NRXN3: variants seen among roughly 807,000 people sequenced by gnomAD.
NRXN3 encodes neurexin III.
NRXN3 carries 32 observed loss-of-function variants against 137.6 expected under a neutral mutation model. The ratio of observed to expected loss-of-function variants is 0.23; its 90% CI spans 0.18 to 0.31. The LOEUF is 0.31. NRXN3 is among the 10% of genes least tolerant of loss of function. NRXN3 has a pLI of 1.00. For missense variants in NRXN3, 1,574 were observed against 2,062.5 expected (o/e 0.76, Z 4.59); for synonymous variants, 798 against 784.5 (o/e 1.02, Z -0.29).
intron 16 of NRXN3, among the ~76,000 whole-genome samples, chr14:79,517,721 C>T (rs946441917): frequency 6.6e-6 from 1 of 151,914 alleles, no homozygotes; most frequent in Non-Finnish European, 1.5e-5. Context: ...TATAAGTCAT[C>T]ATTTCCCATT....
intron 4 of NRXN3, among the ~76,000 whole-genome samples, chr14:78,404,240 G>A (rs2092330871): frequency 6.6e-6 from 1 of 150,630 alleles, no homozygotes; most frequent in Non-Finnish European, 1.5e-5. Flanking sequence ...CGCTGCATGG[G>A]AGCAGGCAGA....
At chr14:78,293,684 A>G (rs1002532561) in intron 3 of NRXN3, among the ~76,000 whole-genome samples, 5 of 152,136 alleles carry the variant, frequency 3.3e-5, no homozygotes, top group Non-Finnish European at 5.9e-5. Context: ...ATCTTCTTCA[A>G]TAACATCTTC....
chr14:79,442,449 A>C (rs7142987), intron 15 of NRXN3, among the ~76,000 whole-genome samples: 50,695 of 152,100 alleles, frequency 0.33, 8,659 homozygotes, highest in South Asian at 0.47. Flanking sequence ...AAATTTATCA[A>C]CTGGTTATTT....
At chr14:78,550,357 C>T (rs1487719547) in intron 4 of NRXN3, among the ~76,000 whole-genome samples, 1 of 152,082 alleles carries the variant, frequency 6.6e-6, no homozygotes, top group African/African-American at 2.4e-5. Context: ...ACTTCTATGA[C>T]CCTTTCTTTC....
At chr14:79,059,922 T>C (rs927420987) in intron 15 of NRXN3, among the ~76,000 whole-genome samples, 1 of 152,200 alleles carries the variant, frequency 6.6e-6, no homozygotes, top group Non-Finnish European at 1.5e-5. Context: ...CCAATATCCA[T>C]ACAAATACCA....
chr14:78,826,901 C>T (rs922005290), intron 10 of NRXN3, among the ~76,000 whole-genome samples: 1 of 152,060 alleles, frequency 6.6e-6, no homozygotes, highest in Non-Finnish European at 1.5e-5. Context: ...TTTTTCTGGC[C>T]AATAGATACA....
rs544621983 is a variant in NRXN3 at position 79,753,798 on chromosome 14, C to T, written c.4015-51314C>T. ...ACCTGTCATTCTCATATGCCTAACA[C>T]GATGTGAGATTTTATATATACAGTC... On this transcript the variant is annotated intron_variant, in intron 19 of 20. Transcript: ENST00000335750. 3.9e-4 allele frequency among the ~76,000 whole-genome samples: 59 copies of T among 152,026 alleles called. 1 individual carries two copies. The South Asian group carries it at 0.01, about 27-fold the overall frequency.
chr14:78,277,344 T>G (rs550735982), intron 2 of NRXN3, among the ~76,000 whole-genome samples: 1 of 152,104 alleles, frequency 6.6e-6, no homozygotes, highest in Non-Finnish European at 1.5e-5. Flanking sequence ...TCACCCAGCT[T>G]CCCCATGGCT....
At chr14:78,769,412 G>T (rs375676008) in intron 8 of NRXN3, among the ~76,000 whole-genome samples, 1 of 152,120 alleles carries the variant, frequency 6.6e-6, no homozygotes, top group Non-Finnish European at 1.5e-5. Flanking sequence ...ATAGGTACTG[G>T]GGGCTAGGAC....
chr14:79,637,973 A>G (rs1402600077), intron 16 of NRXN3, among the ~76,000 whole-genome samples: 1 of 151,666 alleles, frequency 6.6e-6, no homozygotes, highest in East Asian at 1.9e-4. Flanking sequence ...CAAGTGATCC[A>G]CCTGCCTCGG....
rs113019781 is a variant in NRXN3 at position 79,852,719 on chromosome 14, A to C, written c.4094-8623A>C. ...CCAGCCAAAAAAGCAAAGCAAAAAA[A>C]ACGTGTCCCCTGACTGCTCTGTCTG... On this transcript the variant is annotated intron_variant, in intron 20 of 20. Coordinates refer to ENST00000335750, the MANE Select transcript of NRXN3 (RefSeq NM_001330195.2). Among the ~76,000 whole-genome samples, 12 of 152,276 alleles carry C rather than the reference A, an allele frequency of 7.9e-5. 1 individual carries two copies. Among genetic ancestry groups the C allele is most frequent in the Admixed American group, 2.6e-4 (4 of 15,286 alleles).
At chr14:79,599,388 A>G (rs76977220) in intron 16 of NRXN3, among the ~76,000 whole-genome samples, 1 of 152,314 alleles carries the variant, frequency 6.6e-6, no homozygotes, top group East Asian at 1.9e-4. Flanking sequence ...AATTAAAACT[A>G]CCTTGTTCTA....
At chr14:79,005,766 T>TGAA (rs2099551182) in intron 15 of NRXN3, among the ~76,000 whole-genome samples, 3 of 151,668 alleles carry the variant, frequency 2.0e-5, no homozygotes, top group Non-Finnish European at 2.9e-5. Context: ...TATACATGTT[T>TGAA]ACCTGTGTGT....
chr14:79,680,627 A>G (rs1408563496), intron 17 of NRXN3, among the ~76,000 whole-genome samples: 2 of 152,074 alleles, frequency 1.3e-5, no homozygotes, highest in African/African-American at 4.8e-5. Context: ...AGGGACATAA[A>G]TGGTTTTGTT....
At chr14:78,223,680 A>G (rs2064125479) in intron 1 of NRXN3, among the ~76,000 whole-genome samples, 1 of 152,174 alleles carries the variant, frequency 6.6e-6, no homozygotes, top group Non-Finnish European at 1.5e-5. Flanking sequence ...GATTTGAAGC[A>G]TCCAAGATAA....
chr14:79,279,984 C>G, intron 15 of NRXN3: 2 of 1,169,102 alleles, frequency 1.7e-6, no homozygotes, highest in Non-Finnish European at 1.1e-6. Context: ...CCGCGCCGGT[C>G]TTCCCCTGAC....
intron 14 of NRXN3, among the ~76,000 whole-genome samples, chr14:78,982,191 C>G (rs2099491089): frequency 6.6e-6 from 1 of 152,178 alleles, no homozygotes; most frequent in South Asian, 2.1e-4. Flanking sequence ...TAAATTTTTA[C>G]AAGAACCATT....
rs770730034 is a variant in NRXN3, at chr14:78,567,971, A to G, written c.758-77149A>G. Among the ~76,000 whole-genome samples, 56 of 152,188 alleles carry G rather than the reference A, an allele frequency of 3.7e-4. No individual in the cohort carries two copies. In the South Asian group the frequency reaches 5.2e-3, roughly 14 times the overall value. ...TTCAGGGTTTTCATGATCTTATTCT[A>G]TCAGAGAAGATAGAACTACACATCC... is the stretch of plus-strand genomic sequence containing the variant. On this transcript the variant is annotated intron_variant, in intron 4 of 20. Transcript: ENST00000335750.
chr14:78,737,187 A>G (rs1258495199), intron 8 of NRXN3, among the ~76,000 whole-genome samples: 3 of 152,168 alleles, frequency 2.0e-5, no homozygotes, highest in Admixed American at 6.5e-5. Context: ...TTGTTCCACA[A>G]AGGATTAAGA....
Sources: allele counts gnomAD v4.1 joint callset (sites outside exome capture counted in the v4.1 genomes callset), GRCh38; gene constraint gnomAD v4.1.1; transcripts MANE v1.5; gene names NCBI Gene and HGNC (gene_info 2026-07-23, HGNC 2026-07-21).